The following ZNF317 variants were observed in gnomAD, a reference collection of about 807,000 sequenced individuals.
The protein encoded by ZNF317 is KRAB-containing zinc finger protein 317.
Under a neutral mutation model 23.4 loss-of-function variants are expected in ZNF317, and 17 were observed. The observed-to-expected ratio is 0.73, with a 90% CI of 0.50 to 1.09. ZNF317 has a LOEUF of 1.09. Among genes scored for constraint, ZNF317 ranks in the 50% least tolerant of loss-of-function variants. The pLI is 0.00. For synonymous variants in ZNF317, 317 were observed against 314.9 expected (o/e 1.01, Z -0.07); for missense variants, 679 against 796.7 (o/e 0.85, Z 1.78).
chr19:9,151,082 C>T (rs1238147378), intron 1 of ZNF317, among the ~76,000 whole-genome samples: 1 of 152,098 alleles, frequency 6.6e-6, no homozygotes, highest in Non-Finnish European at 1.5e-5. Flanking sequence ...TGGAATGGGA[C>T]CTGCAGAAGC....
At chr19:9,157,227 G>A (rs767331069) in intron 3 of ZNF317, 41 bp from the exon 4 acceptor site, 3 of 1,608,384 alleles carry the variant, frequency 1.9e-6, no homozygotes, top group East Asian at 2.2e-5. Context: ...AACATCGTTA[G>A]GCTGGTTCCT....
At chr19:9,143,636 T>C (rs2050654367) in intron 1 of ZNF317, among the ~76,000 whole-genome samples, 1 of 152,128 alleles carries the variant, frequency 6.6e-6, no homozygotes, top group African/African-American at 2.4e-5. Context: ...CCATGAGTGC[T>C]GTCTCATCAT....
chr19:9,160,074 T>C lies in ZNF317; in HGVS notation c.469-40T>C, dbSNP rs750927464. On this transcript the variant is annotated intron_variant, in intron 6 of 6. Transcript: ENST00000247956. The surrounding 1 kb of genome is among the most constrained non-coding windows in gnomAD (Gnocchi z 6.8). ...ATGACGCTTAGGGTTGCAATGAATA[T>C]GAGAATTGCCTTTGTCAGCACTTAC... is the stretch of plus-strand genomic sequence containing the variant. 1.2e-6 allele frequency: 2 copies of C among 1,609,216 alleles called. No homozygotes were observed. The highest frequency in any genetic ancestry group is 2.2e-5 in the East Asian group (1 of 44,812).
Position 9,161,600 on chromosome 19 carries a change from T to A in ZNF317, c.*167T>A, listed in dbSNP as rs2050858412. On this transcript the variant is annotated 3_prime_UTR_variant, in exon 7 of 7. Coordinates refer to ENST00000247956, the MANE Select transcript of ZNF317 (RefSeq NM_020933.5). The surrounding 1 kb of genome is among the most constrained non-coding windows in gnomAD (Gnocchi z 4.0). ...GGGAAGACGAGGCGTTCTCATCCCA[T>A]AGGAGGTTTGTGAGAACTCACGCCG... 9.6e-7 allele frequency: 1 copy of A among 1,046,426 alleles called. No individual in the cohort carries two copies. The highest frequency in any genetic ancestry group is 1.4e-6 in the Non-Finnish European group (1 of 739,740). 64.8% of individuals were successfully genotyped at this position (1,046,426 alleles called of 1,614,324 possible).
In ZNF317 at chr19:9,161,688, C is replaced by G. The variant is rs1176427309; in HGVS notation, c.*255C>G. On this transcript the variant is annotated 3_prime_UTR_variant, in exon 7 of 7. Transcript: ENST00000247956. This position sits in a 1 kb window ranked among gnomAD's most constrained non-coding sequence, Gnocchi z 4.0. ...CAGGGTACATTCAGCTCTTAACAAA[C>G]ACAGGAGGACTTAATGGCAGCTTGG... The G allele has an allele frequency of 4.4e-6, 2 of 453,806 alleles. No individual in the cohort carries two copies. Among genetic ancestry groups the G allele is most frequent in the Non-Finnish European group, 7.8e-6 (2 of 256,658 alleles). 28.1% of individuals were successfully genotyped at this position (453,806 alleles called of 1,614,324 possible).
At chr19:9,148,129 CTG>C (rs1389895994) in intron 1 of ZNF317, among the ~76,000 whole-genome samples, 2 of 152,218 alleles carry the variant, frequency 1.3e-5, no homozygotes, top group African/African-American at 4.8e-5. Context: ...GCAGATAGCA[CTG>C]TGCTTCCTGT....
At chr19:9,149,331 G>C (rs571081256) in intron 1 of ZNF317, among the ~76,000 whole-genome samples, 1 of 151,866 alleles carries the variant, frequency 6.6e-6, no homozygotes, top group African/African-American at 2.4e-5. Flanking sequence ...AAAATTAGCC[G>C]GACACAGTGG....
intron 1 of ZNF317, among the ~76,000 whole-genome samples, chr19:9,143,283 G>T (rs2050650925): frequency 6.6e-6 from 1 of 152,008 alleles, no homozygotes; most frequent in Admixed American, 6.6e-5. Flanking sequence ...CCATCAGAAT[G>T]TTGTCAGTTT....
chr19:9,158,675 A>G lies in ZNF317; in HGVS notation c.386-151A>G, dbSNP rs766202467. 1.1e-4 allele frequency: 68 copies of G among 620,876 alleles called. No homozygotes were observed. The Admixed American group carries it at 1.1e-3, about 10-fold the overall frequency. 38.5% of individuals were successfully genotyped at this position (620,876 alleles called of 1,614,324 possible). A position where few individuals can be genotyped will look rare whatever the true frequency, so the allele number is the denominator to read the frequency against. ...AAATTTCTACCCCTGGCATTGCCAA[A>G]TATCTCACATGACCAGATTTTTTAA... On this transcript the variant is annotated intron_variant, in intron 5 of 6. Coordinates refer to ENST00000247956, the MANE Select transcript of ZNF317 (RefSeq NM_020933.5).
chr19:9,152,386 C>G (rs2050743284), intron 1 of ZNF317, among the ~76,000 whole-genome samples: 2 of 152,194 alleles, frequency 1.3e-5, no homozygotes, highest in African/African-American at 4.8e-5. Context: ...CTTTTAGGAA[C>G]AAGGCCCTGC....
At position 9,156,655 on chromosome 19, in the gene ZNF317, T is replaced by C. The variant is rs749499549; in HGVS notation, c.69T>C (p.Phe23=). ...QDSTCLQDSE[F]PVSSKDHSCP... ...CCACCTGTCTCCAGGACTCAGAATT[T>C]CCTGTTTCTTCAAAAGACCATTCCT... is the stretch of plus-strand genomic sequence containing the variant. The change falls in exon 3 of 7, where the codon TTT becomes TTC. Residue 23 remains phenylalanine, a synonymous_variant. Transcript: ENST00000247956. The C allele has an allele frequency of 6.2e-7, 1 of 1,614,050 alleles. No individual in the cohort carries two copies. Among genetic ancestry groups the C allele is most frequent in the Non-Finnish European group, 8.5e-7 (1 of 1,180,034 alleles).
intron 1 of ZNF317, among the ~76,000 whole-genome samples, chr19:9,140,873 A>G (rs559016960): frequency 1.4e-4 from 22 of 152,226 alleles, no homozygotes; most frequent in African/African-American, 4.6e-4. Flanking sequence ...AAGTGAATTC[A>G]AGAGTTTGGG....
At chr19:9,158,460 TC>T (rs1003430952) in intron 5 of ZNF317, among the ~76,000 whole-genome samples, 9 of 131,196 alleles carry the variant, frequency 6.9e-5, no homozygotes, top group Non-Finnish European at 1.3e-4. Flanking sequence ...AACCTCTGCC[TC>T]CCAAGTAGCT....
chr19:9,156,111 A>G (rs1223702575), intron 2 of ZNF317, 70 bp downstream of exon 2: 57 of 1,578,054 alleles, frequency 3.6e-5, no homozygotes, highest in Non-Finnish European at 4.9e-5. Context: ...GATGGGGTGA[A>G]AGATACGTAC....
At chr19:9,141,013 G>A (rs948096849) in intron 1 of ZNF317, among the ~76,000 whole-genome samples, 4 of 152,032 alleles carry the variant, frequency 2.6e-5, no homozygotes, top group Non-Finnish European at 5.9e-5. Flanking sequence ...CTTACCTTGA[G>A]TACCTTTTAT....
At position 9,155,940 on chromosome 19, in the gene ZNF317, G is replaced by A. The variant is rs1007015087; in HGVS notation, c.-77G>A. 2.5e-6 allele frequency: 4 copies of A among 1,576,830 alleles called. No individual in the cohort carries two copies. Among genetic ancestry groups the A allele is most frequent in the Non-Finnish European group, 3.5e-6 (4 of 1,146,136 alleles). ...TTTGCTACAGATGCCAGCTTGGAGA[G>A]TCACGTGAGAGCAAGAGAGTAGCTT... On this transcript the variant is annotated 5_prime_UTR_variant, in exon 2 of 7. Transcript: ENST00000247956.
rs1445641754 is a variant in ZNF317, at chr19:9,155,905, T to C, written c.-92-20T>C. 32 of 1,335,462 alleles carry C rather than the reference T, an allele frequency of 2.4e-5. No homozygotes were observed. Among genetic ancestry groups the C allele is most frequent in the Non-Finnish European group, 3.2e-5 (30 of 928,702 alleles). The allele number at this position is 1,335,462 out of a possible 1,614,324, so 82.7% of individuals were successfully genotyped here. A position where few individuals can be genotyped will look rare whatever the true frequency, so the allele number is the denominator to read the frequency against. ...ACAGATAGCCTTTCACTACTCCCGA[T>C]GTTCTTTCATTTGCTACAGATGCCA... On this transcript the variant is annotated intron_variant, in intron 1 of 6. Transcript: ENST00000247956.
chr19:9,158,759 T>G, intron 5 of ZNF317, 67 bp from the exon 6 acceptor site: 3 of 1,031,402 alleles, frequency 2.9e-6, no homozygotes, highest in South Asian at 2.6e-5. Context: ...GAAATCCACC[T>G]GTCATTGTCA....
At chr19:9,146,118 C>T (rs2050680834) in intron 1 of ZNF317, among the ~76,000 whole-genome samples, 1 of 150,014 alleles carries the variant, frequency 6.7e-6, no homozygotes, top group East Asian at 2.0e-4. Context: ...TTTTAATTTT[C>T]TGAATGTTAA....
Sources: gnomAD v4.1 joint callset for allele counts (sites outside exome capture counted in the v4.1 genomes callset) on GRCh38, gnomAD v4.1.1 for gene constraint, Gnocchi (gnomAD v3.1) non-coding constraint, MANE v1.5 for transcripts, NCBI Gene and HGNC (gene_info 2026-07-23, HGNC 2026-07-21) for gene names.